Variants in CC2D2A observed in about 807,000 individuals in gnomAD.
The protein encoded by CC2D2A is coiled-coil and C2 domain containing 2A.
Under a neutral mutation model 212.9 loss-of-function variants are expected in CC2D2A, and 155 were observed. The observed-to-expected ratio is 0.73, with a 90% CI of 0.64 to 0.83. CC2D2A has a LOEUF of 0.83. CC2D2A is among the 40% of genes least tolerant of loss of function. The pLI is 0.00. For synonymous variants in CC2D2A, 667 were observed against 686.5 expected, an observed-to-expected ratio of 0.97 and a Z score of 0.44; for missense variants, 1,856 against 1,956.2, an observed-to-expected ratio of 0.95 and a Z score of 0.97.
intron 29 of CC2D2A, among the ~76,000 whole-genome samples, chr4:15,574,903 T>A (rs183075403): frequency 1.3e-5 from 2 of 152,380 alleles, no homozygotes; most frequent in Non-Finnish European, 2.9e-5. Context: ...TGAACCTTCA[T>A]TAAACCTATT....
intron 6 of CC2D2A, among the ~76,000 whole-genome samples, chr4:15,509,463 G>A (rs1415613112): frequency 1.3e-5 from 2 of 152,032 alleles, no homozygotes; most frequent in African/African-American, 4.8e-5. Context: ...TAGTAAAGGT[G>A]GGGTTTCACT....
In CC2D2A at chr4:15,590,404, A is replaced by T. The variant is rs367807943; in HGVS notation, c.4314+725A>T. Among the ~76,000 whole-genome samples, 5 of 152,174 alleles carry T rather than the reference A, an allele frequency of 3.3e-5. No homozygotes were observed. The East Asian group carries it at 7.7e-4, about 23-fold the overall frequency. The stretch of plus-strand genomic sequence containing the variant: ...ATGGTGTGACTCTGTAATCCCAGCT[A>T]CTTGGGAGGCTGAGGCAGGAGAATT... On this transcript the variant is annotated intron_variant, in intron 33 of 36. Transcript: ENST00000424120.
intron 17 of CC2D2A, among the ~76,000 whole-genome samples, chr4:15,550,529 G>A (rs1164615389): frequency 1.3e-5 from 2 of 152,162 alleles, no homozygotes; most frequent in Non-Finnish European, 2.9e-5. Flanking sequence ...CTCCTAGCAA[G>A]CCATATATTG....
At chr4:15,587,723 A>T in intron 31 of CC2D2A, 93 bp from the exon 32 acceptor site, 1 of 691,590 alleles carries the variant, frequency 1.4e-6, no homozygotes. Context: ...ACTTCAAGAC[A>T]CTAACCTCTA....
chr4:15,535,630 T>C (rs980441334), intron 14 of CC2D2A, among the ~76,000 whole-genome samples: 3 of 152,170 alleles, frequency 2.0e-5, no homozygotes, highest in Non-Finnish European at 4.4e-5. Flanking sequence ...TGAAGCCGAA[T>C]TCCCCCTGGT....
chr4:15,500,107 G>GTGTGTATATATATATATATATA (rs1479141284), intron 4 of CC2D2A, among the ~76,000 whole-genome samples: 62 of 112,922 alleles, frequency 5.5e-4, no homozygotes, highest in Non-Finnish European at 1.0e-3. Flanking sequence ...GTGTGTGTGT[G>GTGTGTATATATATATATATATA]TATATATATA....
chr4:15,591,988 G>A (rs1475915580), intron 33 of CC2D2A, among the ~76,000 whole-genome samples: 1 of 152,120 alleles, frequency 6.6e-6, no homozygotes, highest in Admixed American at 6.6e-5. Flanking sequence ...CCTGCTCTAA[G>A]CCTTGGCCAC....
intron 19 of CC2D2A, among the ~76,000 whole-genome samples, chr4:15,554,864 G>A (rs1264817123): frequency 2.0e-5 from 3 of 152,182 alleles, no homozygotes; most frequent in Admixed American, 2.0e-4. Context: ...AGTCATATCT[G>A]CAGTCCTTCC....
At chr4:15,474,379 A>T (rs1339617924) in intron 1 of CC2D2A, among the ~76,000 whole-genome samples, 1 of 152,164 alleles carries the variant, frequency 6.6e-6, no homozygotes, top group Admixed American at 6.5e-5. Context: ...TATGTGTGGG[A>T]TCTAAAAATC....
intron 6 of CC2D2A, among the ~76,000 whole-genome samples, chr4:15,508,024 G>C (rs1298768205): frequency 6.6e-6 from 1 of 152,174 alleles, no homozygotes; most frequent in African/African-American, 2.4e-5. Context: ...GGTAGGGGAG[G>C]TCAGAGAGAA....
chr4:15,563,301 A>G (rs1719705672), intron 23 of CC2D2A, 54 bp from the exon 24 acceptor site: 1 of 1,510,360 alleles, frequency 6.6e-7, no homozygotes, highest in Admixed American at 2.1e-5. Context: ...TCGTCTCACA[A>G]TTTTGCAGAC....
At chr4:15,499,969 C>T (rs796807517) in intron 4 of CC2D2A, among the ~76,000 whole-genome samples, 9 of 151,926 alleles carry the variant, frequency 5.9e-5, no homozygotes, top group African/African-American at 2.2e-4. Flanking sequence ...CTAACAAATG[C>T]AGTCATGTGT....
At chr4:15,559,098 A>G (rs1249457734) in intron 21 of CC2D2A, 67 bp from the exon 22 acceptor site, 1 of 901,292 alleles carries the variant, frequency 1.1e-6, no homozygotes, top group East Asian at 2.7e-5. Flanking sequence ...TATGTGATAA[A>G]TAATTACCTG....
At chr4:15,486,135 T>A (rs1560145226) in intron 4 of CC2D2A, among the ~76,000 whole-genome samples, 1 of 152,104 alleles carries the variant, frequency 6.6e-6, no homozygotes, top group Non-Finnish European at 1.5e-5. Flanking sequence ...TGTTGTTATG[T>A]CTTTGTCTGG....
At position 15,579,966 on chromosome 4, in the gene CC2D2A, A is replaced by C; in HGVS notation, c.3772-2A>C. On this transcript the variant is annotated splice_acceptor_variant, in intron 29 of 36. Transcript: ENST00000424120. LOFTEE classifies it high-confidence loss of function. ...AACTCCATGAAGTCTTTCTTTTTGA[A>C]GTTTGAGTCTCAGGAAGATGAGAAA... 6.2e-7 allele frequency: 1 copy of C among 1,610,940 alleles called. No homozygotes were observed. The highest frequency in any genetic ancestry group is 1.7e-5 in the Admixed American group (1 of 59,906).
intron 4 of CC2D2A, among the ~76,000 whole-genome samples, chr4:15,499,920 A>G (rs981403764): frequency 7.2e-5 from 10 of 137,984 alleles, no homozygotes; most frequent in Non-Finnish European, 1.1e-4. Flanking sequence ...TGGGGACCTT[A>G]GAACCTGGGG....
At chr4:15,512,733 C>T (rs1436730381) in intron 8 of CC2D2A, among the ~76,000 whole-genome samples, 1 of 152,112 alleles carries the variant, frequency 6.6e-6, no homozygotes, top group Non-Finnish European at 1.5e-5. Context: ...GGGCGGATCA[C>T]CTAAGGTCAG....
At chr4:15,570,359 G>T in intron 27 of CC2D2A, 39 bp from the exon 28 acceptor site, 1 of 1,255,940 alleles carries the variant, frequency 8.0e-7, no homozygotes, top group South Asian at 1.3e-5. Flanking sequence ...TGAGTTTCTG[G>T]AGTTCTTAAG....
At chr4:15,514,631 G>T in intron 8 of CC2D2A, 76 bp from the exon 9 acceptor site, 1 of 1,144,708 alleles carries the variant, frequency 8.7e-7, no homozygotes, top group African/African-American at 1.5e-5. Context: ...AGTTTCATGA[G>T]TTTGGTATTG....
Sources: gnomAD v4.1 joint callset for allele counts (sites outside exome capture counted in the v4.1 genomes callset) on GRCh38, gnomAD v4.1.1 for gene constraint, MANE v1.5 for transcripts, NCBI Gene and HGNC (gene_info 2026-07-23, HGNC 2026-07-21) for gene names.